MLIP: variants seen among roughly 807,000 people sequenced by gnomAD.
MLIP encodes the protein muscular LMNA interacting protein.
MLIP carries 79 observed loss-of-function variants against 84.8 expected under a neutral mutation model. That is an observed-to-expected ratio of 0.93 (90% CI 0.78 to 1.12). The LOEUF is 1.12. MLIP is among the 50% of genes most tolerant of loss of function. The pLI is 0.00. For synonymous variants in MLIP, 504 were observed against 463.0 expected, an observed-to-expected ratio of 1.09 and a Z score of -1.14; for missense variants, 1,257 against 1,160.6, an observed-to-expected ratio of 1.08 and a Z score of -1.21.
intron 13 of MLIP, among the ~76,000 whole-genome samples, chr6:54,261,274 C>T (rs1783371656): frequency 6.6e-6 from 1 of 152,026 alleles, no homozygotes; most frequent in South Asian, 2.1e-4. Context: ...AGTCATACTG[C>T]AGAATGAGAT....
chr6:54,121,092 T>C (rs969211050), intron 1 of MLIP, among the ~76,000 whole-genome samples: 2 of 152,160 alleles, frequency 1.3e-5, no homozygotes, highest in Admixed American at 6.5e-5. Context: ...CAGGGTTAGA[T>C]GGATGAAAGC....
chr6:54,232,319 A>G (rs972967516), intron 12 of MLIP, among the ~76,000 whole-genome samples: 2 of 152,112 alleles, frequency 1.3e-5, no homozygotes, highest in Non-Finnish European at 2.9e-5. Context: ...ATATTTTGAA[A>G]GTGTTTTCTG....
chr6:54,214,827 T>G (rs1296541326), intron 11 of MLIP, among the ~76,000 whole-genome samples: 5 of 152,226 alleles, frequency 3.3e-5, no homozygotes, highest in African/African-American at 1.2e-4. Flanking sequence ...AAAACATTTA[T>G]GAGCATGTGG....
At chr6:54,029,234 A>T (rs1384950462) in intron 1 of MLIP, 1 of 152,182 alleles carries the variant, frequency 6.6e-6, no homozygotes, top group Non-Finnish European at 1.5e-5. Flanking sequence ...GTGTCCTCCA[A>T]CATTCAGATG....
intron 12 of MLIP, among the ~76,000 whole-genome samples, chr6:54,236,251 A>C (rs528843832): frequency 6.6e-6 from 1 of 151,694 alleles, no homozygotes; most frequent in Non-Finnish European, 1.5e-5. Context: ...CTATGTTCCC[A>C]GCTCAGGTTG....
At chr6:54,110,328 T>C (rs1769360985), upstream of MLIP, among the ~76,000 whole-genome samples, 1 of 152,132 alleles carries the variant, frequency 6.6e-6, no homozygotes, top group Admixed American at 6.5e-5. Context: ...TGTATCTTTG[T>C]TATTTGTTTA....
At chr6:54,036,352 A>G (rs1180467400) in intron 1 of MLIP, among the ~76,000 whole-genome samples, 1 of 151,888 alleles carries the variant, frequency 6.6e-6, no homozygotes, top group Non-Finnish European at 1.5e-5. Flanking sequence ...CCAATAACAG[A>G]CAAATAGAGA....
At chr6:54,181,437 T>A (rs1776858794) in intron 9 of MLIP, among the ~76,000 whole-genome samples, 1 of 152,090 alleles carries the variant, frequency 6.6e-6, no homozygotes. Context: ...GGCCCAGGGC[T>A]GGTCCAGAAA....
chr6:54,063,648 A>C (rs1766099019), intron 1 of MLIP, among the ~76,000 whole-genome samples: 1 of 151,770 alleles, frequency 6.6e-6, no homozygotes, highest in East Asian at 1.9e-4. Context: ...GATTCATTCT[A>C]AAAAGTCTAA....
chr6:54,189,592 C>T (rs139149047), intron 9 of MLIP, among the ~76,000 whole-genome samples: 161 of 152,124 alleles, frequency 1.1e-3, no homozygotes, highest in Middle Eastern at 6.9e-3. Flanking sequence ...TGATATAATG[C>T]TTATGTTAAG....
At chr6:54,135,313 T>C (rs1771706729) in intron 3 of MLIP, among the ~76,000 whole-genome samples, 1 of 152,100 alleles carries the variant, frequency 6.6e-6, no homozygotes, top group South Asian at 2.1e-4. Context: ...TACGCCAATA[T>C]ATTCAGGTGT....
intron 12 of MLIP, among the ~76,000 whole-genome samples, chr6:54,239,136 CTATAGCT>C (rs1334305818): frequency 6.6e-6 from 1 of 151,938 alleles, no homozygotes; most frequent in Non-Finnish European, 1.5e-5. Flanking sequence ...ATCTCTACCA[CTATAGCT>C]TTCACTTCAT....
chr6:54,120,862 A>G (rs1052523663), intron 1 of MLIP, among the ~76,000 whole-genome samples: 1 of 151,732 alleles, frequency 6.6e-6, no homozygotes, highest in Non-Finnish European at 1.5e-5. Context: ...TTGTTTCCCT[A>G]CCTCCTGAGT....
intron 4 of MLIP, among the ~76,000 whole-genome samples, chr6:54,145,773 C>A (rs540489472): frequency 1.1e-4 from 16 of 149,894 alleles, no homozygotes; most frequent in African/African-American, 2.7e-4. Flanking sequence ...AAGACTCTGT[C>A]CCCCACCACC....
intron 1 of MLIP, among the ~76,000 whole-genome samples, chr6:54,074,835 G>A (rs1008733496): frequency 6.6e-6 from 1 of 152,102 alleles, no homozygotes; most frequent in Non-Finnish European, 1.5e-5. Context: ...CACTAGATGC[G>A]AAACACCTGG....
Position 54,256,662 on chromosome 6 carries a change from G to T in MLIP, c.2923-646G>T, listed in dbSNP as rs1243728984. ...TTCTATCTTATGAAGTTTATGTGTA[G>T]CTCTCAGAAGACCCACATAGCAATA... On this transcript the variant is annotated intron_variant, in intron 12 of 13. Transcript: ENST00000502396. 7.2e-5 allele frequency among the ~76,000 whole-genome samples: 11 copies of T among 152,146 alleles called. No individual in the cohort carries two copies. The East Asian group carries it at 2.1e-3, about 29-fold the overall frequency.
chr6:54,045,995 C>T (rs747313432), intron 1 of MLIP: 2 of 152,104 alleles, frequency 1.3e-5, no homozygotes, highest in Non-Finnish European at 2.9e-5. Context: ...CTAATACAGA[C>T]CTCTAGTTTT....
intron 12 of MLIP, among the ~76,000 whole-genome samples, chr6:54,253,034 T>C (rs1407528518): frequency 6.6e-6 from 1 of 152,146 alleles, no homozygotes; most frequent in African/African-American, 2.4e-5. Context: ...TCCTTTCTTT[T>C]ATTAATTTAT....
At chr6:54,241,918 T>C (rs1781762750) in intron 12 of MLIP, among the ~76,000 whole-genome samples, 1 of 152,176 alleles carries the variant, frequency 6.6e-6, no homozygotes, top group Non-Finnish European at 1.5e-5. Flanking sequence ...ACTCCACTTA[T>C]AATAAGGCAA....
Sources: gnomAD v4.1 joint callset for allele counts (sites outside exome capture counted in the v4.1 genomes callset) on GRCh38, gnomAD v4.1.1 for gene constraint, MANE v1.5 for transcripts, NCBI Gene and HGNC (gene_info 2026-07-23, HGNC 2026-07-21) for gene names.